SEL1L2: variants seen among roughly 807,000 people sequenced by gnomAD.
SEL1L2 encodes SEL1L2 adaptor subunit of SYVN1 ubiquitin ligase.
A neutral mutation model predicts 98.8 loss-of-function variants in SEL1L2; 89 were observed. That is an observed-to-expected ratio of 0.90 (90% CI 0.76 to 1.07). The LOEUF (loss-of-function observed/expected upper bound fraction) is 1.07, where lower values mean the gene tolerates loss of function less well. Ranked by LOEUF, SEL1L2 falls within the 50% of genes least tolerant of loss-of-function variation. The pLI, the probability that SEL1L2 is intolerant of heterozygous loss-of-function variation, is 0.00. For missense variants in SEL1L2, 788 were observed against 812.0 expected (o/e 0.97, Z 0.36); for synonymous variants, 262 against 278.5 (o/e 0.94, Z 0.59).
intron 10 of SEL1L2, 41 bp downstream of exon 10, chr20:13,885,305 AC>A: frequency 7.5e-7 from 1 of 1,336,194 alleles, no homozygotes; most frequent in Non-Finnish European, 1.1e-6. Context: ...CCTCACCACT[AC>A]CTTCCCCACC....
chr20:13,915,388 G>A, intron 4 of SEL1L2: 1 of 453,938 alleles, frequency 2.2e-6, no homozygotes, highest in Non-Finnish European at 3.7e-6. Context: ...ATGGTCTCAA[G>A]GTCACTAAAG....
At chr20:13,946,306 A>G (rs1416038981) in intron 2 of SEL1L2, among the ~76,000 whole-genome samples, 1 of 152,238 alleles carries the variant, frequency 6.6e-6, no homozygotes, top group African/African-American at 2.4e-5. Flanking sequence ...TGCAGAATAC[A>G]AAATCAATAC....
intron 1 of SEL1L2, among the ~76,000 whole-genome samples, chr20:13,958,578 C>T (rs1259201791): frequency 6.6e-6 from 1 of 152,108 alleles, no homozygotes; most frequent in Non-Finnish European, 1.5e-5. Context: ...CAACCTGCCA[C>T]ATCAACAACA....
chr20:13,865,150 T>A lies in SEL1L2; in HGVS notation c.1645+17A>T. 1 of 1,602,582 alleles carries A rather than the reference T, an allele frequency of 6.2e-7. No homozygotes were observed. Among genetic ancestry groups the A allele is most frequent in the African/African-American group, 1.3e-5 (1 of 74,748 alleles). ...ACAGGGACCGGGTATGTGCTTATTTTTATCTGGGTTCCATACCTTGAATGG... is the reference window on the plus strand; with the variant it reads ...ACAGGGACCGGGTATGTGCTTATTTATATCTGGGTTCCATACCTTGAATGG... On this transcript the variant is annotated intron_variant, in intron 17 of 19. Coordinates refer to ENST00000284951, the MANE Select transcript of SEL1L2 (RefSeq NM_025229.2).
At chr20:13,945,969 G>A (rs2049987982) in intron 2 of SEL1L2, among the ~76,000 whole-genome samples, 2 of 151,972 alleles carry the variant, frequency 1.3e-5, no homozygotes, top group African/African-American at 4.8e-5. Context: ...TATATGAAGG[G>A]TTACATACTC....
At chr20:13,965,261 G>T (rs182441660) in intron 1 of SEL1L2, among the ~76,000 whole-genome samples, 19 of 152,326 alleles carry the variant, frequency 1.2e-4, no homozygotes, top group African/African-American at 4.6e-4. Context: ...GCTGACAGAG[G>T]TGAGACAAAT....
chr20:13,870,175 C>G lies in SEL1L2; in HGVS notation c.1133G>C (p.Gly378Ala). 1 of 1,611,430 alleles carries G rather than the reference C, an allele frequency of 6.2e-7. No homozygotes were observed. The highest frequency in any genetic ancestry group is 8.5e-7 in the Non-Finnish European group (1 of 1,178,256). ...TCCTTTTCCATGAAAGTAAAGAAGA[C>G]CAAGCCCATGAAGGCCGATTGCATT... The part of the protein sequence containing the change: ...KGNAIGLHGL[G>A]LLYFHGKGVP... The change falls in exon 13 of 20, where the codon GGT becomes GCT. Residue 378 changes from glycine to alanine, a missense_variant. Transcript: ENST00000284951.
At chr20:13,917,709 G>A (rs1179131609) in intron 4 of SEL1L2, among the ~76,000 whole-genome samples, 2 of 151,010 alleles carry the variant, frequency 1.3e-5, no homozygotes, top group South Asian at 2.1e-4. Context: ...TCTGACTGGT[G>A]TGCCTATTCT....
intron 18 of SEL1L2, among the ~76,000 whole-genome samples, chr20:13,857,663 A>C (rs1287655276): frequency 6.6e-6 from 1 of 152,234 alleles, no homozygotes; most frequent in Non-Finnish European, 1.5e-5. Flanking sequence ...AATTTAACAC[A>C]TGGAGTGGGG....
intron 5 of SEL1L2, among the ~76,000 whole-genome samples, chr20:13,898,980 G>A (rs2047546288): frequency 6.6e-6 from 1 of 152,162 alleles, no homozygotes; most frequent in Non-Finnish European, 1.5e-5. Context: ...GACTTCAGGT[G>A]ATATGCCCAC....
chr20:13,861,582 G>A (rs866985249), intron 17 of SEL1L2, among the ~76,000 whole-genome samples: 1 of 152,206 alleles, frequency 6.6e-6, no homozygotes, highest in Non-Finnish European at 1.5e-5. Context: ...TATTCACAGA[G>A]ATGTACAAGC....
At chr20:13,968,927 T>C (rs2051166558) in intron 1 of SEL1L2, among the ~76,000 whole-genome samples, 1 of 152,196 alleles carries the variant, frequency 6.6e-6, no homozygotes, top group Non-Finnish European at 1.5e-5. Context: ...AACTAAAATG[T>C]ATAATGGATA....
At chr20:13,899,514 A>C (rs1201955435) in intron 5 of SEL1L2, among the ~76,000 whole-genome samples, 3 of 152,220 alleles carry the variant, frequency 2.0e-5, no homozygotes, top group African/African-American at 7.2e-5. Context: ...ACTGGAGGTA[A>C]CAGAAATCAA....
At chr20:13,962,972 C>T (rs758079910) in intron 1 of SEL1L2, among the ~76,000 whole-genome samples, 35 of 150,690 alleles carry the variant, frequency 2.3e-4, no homozygotes, top group African/African-American at 8.3e-4. Flanking sequence ...GAGGCTGAGG[C>T]GGGAGAATTG....
At chr20:13,942,060 G>A (rs566306114) in intron 2 of SEL1L2, among the ~76,000 whole-genome samples, 109 of 152,300 alleles carry the variant, frequency 7.2e-4, no homozygotes, top group African/African-American at 2.3e-3. Flanking sequence ...GAAATGAAAA[G>A]TAAGAGCTTA....
chr20:13,958,379 G>A (rs994569602), intron 1 of SEL1L2, among the ~76,000 whole-genome samples: 4 of 152,086 alleles, frequency 2.6e-5, no homozygotes, highest in Non-Finnish European at 5.9e-5. Flanking sequence ...TTTGATATTG[G>A]AATACGCTAC....
rs771063926 is a variant in SEL1L2 at position 13,990,464 on chromosome 20, C to CA, written c.58+12dup. On this transcript the variant is annotated intron_variant, in intron 1 of 19. Coordinates refer to ENST00000284951, the MANE Select transcript of SEL1L2 (RefSeq NM_025229.2). ...AGACCCTCATAGAGAACTCTAAGGA[C>CA]AAAAAAACTTACTTTTAATTGTGAC... 1.3e-6 allele frequency: 2 copies of CA among 1,595,162 alleles called. No individual in the cohort carries two copies. The highest frequency in any genetic ancestry group is 2.2e-5 in the South Asian group (2 of 90,430).
intron 2 of SEL1L2, among the ~76,000 whole-genome samples, chr20:13,932,511 A>G (rs1474034728): frequency 1.3e-5 from 2 of 151,948 alleles, no homozygotes; most frequent in South Asian, 4.2e-4. Flanking sequence ...GGCTCACTGC[A>G]ACCTTCGCCT....
intron 8 of SEL1L2, among the ~76,000 whole-genome samples, chr20:13,887,501 A>G (rs1461632117): frequency 6.6e-6 from 1 of 152,202 alleles, no homozygotes; most frequent in Non-Finnish European, 1.5e-5. Flanking sequence ...CTCAGTAAGG[A>G]AAGAACATCA....
Sources: allele counts gnomAD v4.1 joint callset (sites outside exome capture counted in the v4.1 genomes callset), GRCh38; gene constraint gnomAD v4.1.1; transcripts MANE v1.5; gene names NCBI Gene and HGNC (gene_info 2026-07-23, HGNC 2026-07-21).